KHDRBS2: variants seen among roughly 807,000 people sequenced by gnomAD.
KHDRBS2 encodes the protein KH domain-containing, RNA-binding, signal transduction-associated protein 2.
In KHDRBS2, 26 loss-of-function variants were observed where a neutral mutation model predicts 44.3. That is an observed-to-expected ratio of 0.59 (90% CI 0.43 to 0.81). KHDRBS2 has a LOEUF of 0.81. Ranked by LOEUF, KHDRBS2 falls within the 40% of genes least tolerant of loss-of-function variation. The pLI is 0.00. For missense variants in KHDRBS2, 476 were observed against 433.1 expected (o/e 1.10, Z -0.88); for synonymous variants, 194 against 151.1 (o/e 1.28, Z -2.08).
chr6:61,658,807 T>A, the KHDRBS2 span, among the ~76,000 whole-genome samples: 410 of 152,080 alleles, frequency 2.7e-3, no homozygotes, highest in East Asian at 0.015. Context: ...ATTGTAATCA[T>A]CTTTTGCATA....
chr6:61,688,967 C>G (rs1417864359), intron 8 of KHDRBS2, among the ~76,000 whole-genome samples: 3 of 151,924 alleles, frequency 2.0e-5, no homozygotes, highest in Non-Finnish European at 4.4e-5. Context: ...GCCGGGAAGA[C>G]TAACCATAAT....
intron 1 of KHDRBS2, among the ~76,000 whole-genome samples, chr6:62,284,075 A>G (rs1003158303): frequency 6.6e-6 from 1 of 152,190 alleles, no homozygotes; most frequent in African/African-American, 2.4e-5. Context: ...GTATTATATC[A>G]AGAAATCAAG....
intron 4 of KHDRBS2, among the ~76,000 whole-genome samples, chr6:61,911,113 T>C (rs989250903): frequency 3.3e-5 from 5 of 152,182 alleles, no homozygotes; most frequent in East Asian, 1.9e-4. Context: ...GTACACATTC[T>C]ATGCATAAAA....
At chr6:62,220,356 A>G (rs1289111864) in intron 1 of KHDRBS2, among the ~76,000 whole-genome samples, 1 of 151,968 alleles carries the variant, frequency 6.6e-6, no homozygotes, top group Non-Finnish European at 1.5e-5. Context: ...AATAGTAGCT[A>G]CATGAGGAAA....
intron 6 of KHDRBS2, among the ~76,000 whole-genome samples, chr6:61,854,661 GC>G (rs1795908833): frequency 1.3e-5 from 2 of 151,970 alleles, no homozygotes; most frequent in South Asian, 4.2e-4. Flanking sequence ...AGAACTTCAG[GC>G]CTAAGATGAT....
chr6:61,764,389 G>T (rs1301181048), intron 6 of KHDRBS2, among the ~76,000 whole-genome samples: 2 of 152,114 alleles, frequency 1.3e-5, no homozygotes, highest in African/African-American at 4.8e-5. Flanking sequence ...CTAGTTCTAG[G>T]TATCTGAGGA....
intron 6 of KHDRBS2, among the ~76,000 whole-genome samples, chr6:61,737,955 A>G (rs1299155376): frequency 1.3e-5 from 2 of 152,174 alleles, no homozygotes; most frequent in Non-Finnish European, 2.9e-5. Context: ...ATAAATCACT[A>G]AAATAGACAT....
At chr6:61,879,818 C>CTTTATCTTCTCATAATA (rs771870888) in intron 6 of KHDRBS2, among the ~76,000 whole-genome samples, 10 of 151,866 alleles carry the variant, frequency 6.6e-5, no homozygotes, top group Non-Finnish European at 1.2e-4. Flanking sequence ...ATAAGTTCAT[C>CTTTATCTTCTCATAATA]TTTATCTTCT....
intron 2 of KHDRBS2, among the ~76,000 whole-genome samples, chr6:62,133,996 C>T (rs906653229): frequency 6.6e-6 from 1 of 152,090 alleles, no homozygotes; most frequent in Non-Finnish European, 1.5e-5. Flanking sequence ...AATCTGCAGC[C>T]TGATGATGCA....
At chr6:61,695,071 G>A (rs985843359) in intron 8 of KHDRBS2, among the ~76,000 whole-genome samples, 2 of 152,098 alleles carry the variant, frequency 1.3e-5, no homozygotes, top group African/African-American at 4.8e-5. Flanking sequence ...GAAATAGCAA[G>A]TGATAGCATT....
At chr6:61,736,997 T>C (rs1775461820) in intron 6 of KHDRBS2, among the ~76,000 whole-genome samples, 2 of 152,188 alleles carry the variant, frequency 1.3e-5, no homozygotes, top group Admixed American at 6.6e-5. Context: ...GTTTATCCCA[T>C]AGAATAGTCA....
intron 2 of KHDRBS2, among the ~76,000 whole-genome samples, chr6:62,162,515 C>G (rs1396497835): frequency 6.6e-6 from 1 of 152,016 alleles, no homozygotes; most frequent in African/African-American, 2.4e-5. Flanking sequence ...TTCTCTTTGC[C>G]AGGGGATAAT....
intron 7 of KHDRBS2, among the ~76,000 whole-genome samples, chr6:61,728,524 ATAACT>A (rs1449041630): frequency 2.6e-5 from 4 of 152,332 alleles, no homozygotes; most frequent in Middle Eastern, 3.4e-3. Context: ...AAAACTGAAA[ATAACT>A]TAAACATTTA....
chr6:61,829,230 C>T (rs1562261238), intron 6 of KHDRBS2, among the ~76,000 whole-genome samples: 1 of 152,154 alleles, frequency 6.6e-6, no homozygotes, highest in East Asian at 1.9e-4. Flanking sequence ...GGTGCAATCT[C>T]GGATCACTGC....
chr6:61,633,667 C>T, the KHDRBS2 span, among the ~76,000 whole-genome samples: 1 of 151,982 alleles, frequency 6.6e-6, no homozygotes, highest in African/African-American at 2.4e-5. Flanking sequence ...TGTGCCCAGT[C>T]CCTTGTACTG....
chr6:62,070,067 T>C (rs1222527049), intron 2 of KHDRBS2, among the ~76,000 whole-genome samples: 1 of 151,736 alleles, frequency 6.6e-6, no homozygotes, highest in East Asian at 2.0e-4. Context: ...TTAAGATTCA[T>C]ATGGTTTTTG....
chr6:61,969,706 T>C (rs1174552998), intron 4 of KHDRBS2, among the ~76,000 whole-genome samples: 1 of 151,932 alleles, frequency 6.6e-6, no homozygotes, highest in Non-Finnish European at 1.5e-5. Flanking sequence ...GTTGGAAAAA[T>C]GCAATAATTT....
At chr6:62,140,815 G>A (rs1279580211) in intron 2 of KHDRBS2, among the ~76,000 whole-genome samples, 1 of 152,166 alleles carries the variant, frequency 6.6e-6, no homozygotes, top group Non-Finnish European at 1.5e-5. Context: ...AGAAATTGGT[G>A]AATGCACTGC....
At chr6:62,006,971 A>C (rs185711557) in intron 3 of KHDRBS2, among the ~76,000 whole-genome samples, 1 of 152,182 alleles carries the variant, frequency 6.6e-6, no homozygotes, top group African/African-American at 2.4e-5. Flanking sequence ...AAAAAATTTC[A>C]GGTCATGACA....
Sources: gnomAD v4.1 joint callset for allele counts (sites outside exome capture counted in the v4.1 genomes callset) on GRCh38, gnomAD v4.1.1 for gene constraint, MANE v1.5 for transcripts, NCBI Gene and HGNC (gene_info 2026-07-23, HGNC 2026-07-21) for gene names.